The following ZNF385B variants were observed in gnomAD, a reference collection of about 807,000 sequenced individuals.
ZNF385B encodes the protein zinc finger protein 385B, also known as zinc finger protein 533.
In ZNF385B, 23 loss-of-function variants were observed where a neutral mutation model predicts 39.2. That is an observed-to-expected ratio of 0.59 (90% CI 0.42 to 0.83). ZNF385B has a LOEUF of 0.83. Among genes scored for constraint, ZNF385B ranks in the 40% least tolerant of loss-of-function variants. The probability of loss-of-function intolerance (pLI) is 0.00; values close to 1 mark genes in which losing one functional copy is unlikely to be tolerated. For synonymous variants in ZNF385B, 205 were observed against 222.6 expected (o/e 0.92, Z 0.70); for missense variants, 552 against 598.9 (o/e 0.92, Z 0.82).
intron 4 of ZNF385B, among the ~76,000 whole-genome samples, chr2:179,520,680 A>G (rs2058422167): frequency 6.6e-6 from 1 of 152,232 alleles, no homozygotes. Flanking sequence ...TTGCAAAGTT[A>G]AAAAACAAGA....
chr2:179,667,127 T>TC (rs1365691949), intron 3 of ZNF385B, among the ~76,000 whole-genome samples: 2 of 152,038 alleles, frequency 1.3e-5, no homozygotes, highest in Non-Finnish European at 2.9e-5. Flanking sequence ...GCTGCCCTCT[T>TC]CCCCCCACCA....
chr2:179,766,936 G>GC (rs1254108660), intron 3 of ZNF385B, among the ~76,000 whole-genome samples: 4 of 151,234 alleles, frequency 2.6e-5, no homozygotes, highest in African/African-American at 7.3e-5. Context: ...GGAAAGAAAA[G>GC]CCCCCCGCAG....
chr2:179,691,191 T>G (rs1698326551), intron 3 of ZNF385B, among the ~76,000 whole-genome samples: 1 of 152,218 alleles, frequency 6.6e-6, no homozygotes, highest in Non-Finnish European at 1.5e-5. Flanking sequence ...TAAGAATTAA[T>G]CTTGTAATTC....
chr2:179,489,946 T>TC (rs1559326045), intron 5 of ZNF385B, among the ~76,000 whole-genome samples: 1 of 152,254 alleles, frequency 6.6e-6, no homozygotes, highest in Non-Finnish European at 1.5e-5. Flanking sequence ...AATTTATAGC[T>TC]AGTGAAACGC....
chr2:179,690,466 T>A (rs1041275734), intron 3 of ZNF385B, among the ~76,000 whole-genome samples: 6 of 152,228 alleles, frequency 3.9e-5, no homozygotes, highest in African/African-American at 1.4e-4. Context: ...ATCCCATTAA[T>A]ACTGTATTTT....
At chr2:179,846,032 C>A (rs1708781572) in intron 1 of ZNF385B, among the ~76,000 whole-genome samples, 1 of 152,214 alleles carries the variant, frequency 6.6e-6, no homozygotes, top group East Asian at 1.9e-4. Flanking sequence ...ATGGTAATGA[C>A]TGAATACATA....
chr2:179,742,826 T>C (rs1702159415), intron 3 of ZNF385B, among the ~76,000 whole-genome samples: 1 of 152,076 alleles, frequency 6.6e-6, no homozygotes, highest in Non-Finnish European at 1.5e-5. Context: ...GTATCTGCTA[T>C]TTTTTGTAAC....
At chr2:179,766,343 C>A (rs1703692666) in intron 3 of ZNF385B, among the ~76,000 whole-genome samples, 1 of 152,056 alleles carries the variant, frequency 6.6e-6, no homozygotes, top group Non-Finnish European at 1.5e-5. Context: ...ACATATTTTT[C>A]TCTGTGGGCA....
chr2:179,625,207 T>C (rs1016167037), intron 3 of ZNF385B, among the ~76,000 whole-genome samples: 2 of 152,160 alleles, frequency 1.3e-5, no homozygotes, highest in Non-Finnish European at 2.9e-5. Flanking sequence ...AAATCTTTGT[T>C]TTCCCTGAGA....
chr2:179,635,314 CAT>C (rs1439829926), intron 3 of ZNF385B, among the ~76,000 whole-genome samples: 4 of 137,422 alleles, frequency 2.9e-5, no homozygotes, highest in African/African-American at 1.1e-4. Flanking sequence ...TGTTCTCACT[CAT>C]ATGTGGGAAT....
intron 4 of ZNF385B, among the ~76,000 whole-genome samples, chr2:179,526,655 G>A (rs2058924325): frequency 6.6e-6 from 1 of 152,110 alleles, no homozygotes; most frequent in Non-Finnish European, 1.5e-5. Context: ...CACAGGGAGT[G>A]CATGCACCAT....
At chr2:179,732,903 C>T (rs992597503) in intron 3 of ZNF385B, among the ~76,000 whole-genome samples, 4 of 152,054 alleles carry the variant, frequency 2.6e-5, no homozygotes, top group Non-Finnish European at 4.4e-5. Context: ...GGTCATTCTT[C>T]CTTTATTTTT....
chr2:179,672,091 C>A (rs1223396183), intron 3 of ZNF385B, among the ~76,000 whole-genome samples: 1 of 152,228 alleles, frequency 6.6e-6, no homozygotes, highest in Non-Finnish European at 1.5e-5. Flanking sequence ...GCAGATCCAA[C>A]CTCTGCCCCA....
intron 3 of ZNF385B, chr2:179,745,819 C>A: frequency 1.4e-6 from 2 of 1,420,820 alleles, no homozygotes; most frequent in Non-Finnish European, 1.8e-6. Context: ...TAATGCACAG[C>A]GCTACCGAGA....
intron 3 of ZNF385B, chr2:179,745,754 C>T (rs1702343120): frequency 6.5e-7 from 1 of 1,540,212 alleles, no homozygotes; most frequent in Non-Finnish European, 8.8e-7. Context: ...AGGGCTCTCA[C>T]CAGCTTCAAG....
intron 3 of ZNF385B, 30 bp from the exon 4 acceptor site, chr2:179,544,999 A>T (rs908555513): frequency 6.2e-7 from 1 of 1,613,290 alleles, no homozygotes; most frequent in Admixed American, 1.7e-5. Flanking sequence ...AATGAATTCA[A>T]TTTCTTGCTC....
rs7608959 is a variant in ZNF385B, at chr2:179,615,929, T to A, written c.299-70960A>T. ...TATAAACATTTTTGAATTTTCTGAG[T>A]TAGATGCAATGATCGCATATTCATT... is the stretch of plus-strand genomic sequence containing the variant. On this transcript the variant is annotated intron_variant, in intron 3 of 9. Transcript: ENST00000410066. Among the ~76,000 whole-genome samples the A allele has an allele frequency of 8.2e-3, 1,250 of 152,332 alleles. 17 individuals are homozygous for A. The highest frequency in any genetic ancestry group is 0.029 in the African/African-American group (1,209 of 41,568).
chr2:179,620,887 C>T (rs1690152808), intron 3 of ZNF385B, among the ~76,000 whole-genome samples: 1 of 152,068 alleles, frequency 6.6e-6, no homozygotes, highest in Non-Finnish European at 1.5e-5. Context: ...TTATGCTCTG[C>T]ACTAGTCTTA....
intron 3 of ZNF385B, among the ~76,000 whole-genome samples, chr2:179,575,876 T>C (rs1467272165): frequency 6.6e-6 from 1 of 152,136 alleles, no homozygotes; most frequent in African/African-American, 2.4e-5. Context: ...TAGTTAAAAA[T>C]TTTAAAGTGC....
Sources: allele counts gnomAD v4.1 joint callset (sites outside exome capture counted in the v4.1 genomes callset), GRCh38; gene constraint gnomAD v4.1.1; transcripts MANE v1.5; gene names NCBI Gene and HGNC (gene_info 2026-07-23, HGNC 2026-07-21).